Variants in UBE2E1 observed in about 807,000 individuals in gnomAD.
UBE2E1 encodes ubiquitin conjugating enzyme E2 E1.
UBE2E1 carries 6 observed loss-of-function variants against 21.4 expected under a neutral mutation model. The ratio of observed to expected loss-of-function variants is 0.28; its 90% CI spans 0.15 to 0.55. The LOEUF is 0.55. UBE2E1 is among the 20% of genes least tolerant of loss of function. The probability of loss-of-function intolerance (pLI) is 0.93; values close to 1 mark genes in which losing one functional copy is unlikely to be tolerated. For missense variants in UBE2E1, 142 were observed against 236.5 expected, an observed-to-expected ratio of 0.60 and a Z score of 2.62; for synonymous variants, 87 against 82.7, an observed-to-expected ratio of 1.05 and a Z score of -0.28.
In UBE2E1 at chr3:23,870,823, G is replaced by A. The variant is rs1244609202; in HGVS notation, c.204-16744G>A. On this transcript the variant is annotated intron_variant, in intron 3 of 5. Transcript: ENST00000306627. This position sits in a 1 kb window ranked among gnomAD's most constrained non-coding sequence, Gnocchi z 4.2. ...GGTTTTCCTAGGCAGAGGACCCTGCGGCCTTCCGCAGTGTTTGTGTCCCTG... is the reference window on the plus strand; with the variant it reads ...GGTTTTCCTAGGCAGAGGACCCTGCAGCCTTCCGCAGTGTTTGTGTCCCTG... Among the ~76,000 whole-genome samples, 3 of 60,454 alleles carry A rather than the reference G, an allele frequency of 5.0e-5. No individual in the cohort carries two copies. The Admixed American group carries it at 5.2e-4, about 11-fold the overall frequency. 39.7% of individuals were successfully genotyped at this position (60,454 alleles called of 152,430 possible). A position where few individuals can be genotyped will look rare whatever the true frequency, so the allele number is the denominator to read the frequency against.
chr3:23,883,846 G>C (rs577046563), intron 3 of UBE2E1, among the ~76,000 whole-genome samples: 1 of 151,692 alleles, frequency 6.6e-6, no homozygotes, highest in South Asian at 2.1e-4. Context: ...AACCCACGAG[G>C]GGGAGGTTGC....
At position 23,888,046 on chromosome 3, in the gene UBE2E1, C is replaced by T. The variant is rs139659068; in HGVS notation, c.336+347C>T. Among the ~76,000 whole-genome samples the T allele has an allele frequency of 3.7e-4, 56 of 152,238 alleles. 1 individual carries two copies. In the East Asian group the frequency reaches 0.01, roughly 27 times the overall value. ...GTCAAGCCAGGTGCAGTGGTGTGCA[C>T]CTGTAGTCCAGCTACTTGGGAGGAT... On this transcript the variant is annotated intron_variant, in intron 4 of 5. Transcript: ENST00000306627.
Position 23,806,535 on chromosome 3 carries a change from A to G in UBE2E1, c.-34+447A>G, listed in dbSNP as rs1026884265. Among the ~76,000 whole-genome samples, 2 of 150,380 alleles carry G rather than the reference A, an allele frequency of 1.3e-5. No homozygotes were observed. The highest frequency in any genetic ancestry group is 2.5e-5 in the African/African-American group (1 of 40,760). On this transcript the variant is annotated intron_variant, in intron 1 of 5. Transcript: ENST00000306627. The surrounding 1 kb of genome is among the most constrained non-coding windows in gnomAD (Gnocchi z 6.5). Reference sequence around the variant, plus strand: ...CCCCCCATTCCCCGCCGCAGCCCCTATCCCCCTACAGGAGTGGCGATCGGG... The same window carrying G: ...CCCCCCATTCCCCGCCGCAGCCCCTGTCCCCCTACAGGAGTGGCGATCGGG...
intron 2 of UBE2E1, chr3:23,807,821 T>G (rs1227557188): frequency 6.4e-6 from 1 of 156,872 alleles, no homozygotes; most frequent in Admixed American, 6.5e-5. Context: ...CATTTTACCT[T>G]CTCCTCACCT....
intron 5 of UBE2E1, chr3:23,889,568 T>C (rs1231783000): frequency 2.9e-6 from 4 of 1,370,572 alleles, no homozygotes; most frequent in Non-Finnish European, 2.8e-6. Context: ...AGAGTTCTTA[T>C]AAAACAAATC....
In UBE2E1 at chr3:23,816,923, G is replaced by A. The variant is rs1414301384; in HGVS notation, c.203+5413G>A. ...GAAAGTTTTGGAAATAATGGTGATG[G>A]TTGCGCAATATTGTGAATGTAATTA... On this transcript the variant is annotated intron_variant, in intron 3 of 5. Coordinates refer to ENST00000306627, the MANE Select transcript of UBE2E1 (RefSeq NM_003341.5). The surrounding 1 kb of genome is among the most constrained non-coding windows in gnomAD (Gnocchi z 4.8). 1.3e-5 allele frequency among the ~76,000 whole-genome samples: 2 copies of A among 152,084 alleles called. No homozygotes were observed. The highest frequency in any genetic ancestry group is 4.8e-5 in the African/African-American group (2 of 41,406).
Position 23,810,998 on chromosome 3 carries a change from C to A in UBE2E1, c.153-462C>A, listed in dbSNP as rs1470864724. The A allele has an allele frequency of 6.0e-6, 1 of 166,972 alleles. No homozygotes were observed. Among genetic ancestry groups the A allele is most frequent in the African/African-American group, 2.4e-5 (1 of 41,820 alleles). 10.3% of individuals were successfully genotyped at this position (166,972 alleles called of 1,614,324 possible). A position where few individuals can be genotyped will look rare whatever the true frequency, so the allele number is the denominator to read the frequency against. Reference sequence around the variant, plus strand: ...TTGAGCGAGGCCTCGGACCTTCGGCCTGTCGGGGGCGCCCTGCCGGGGTGG... The same window carrying A: ...TTGAGCGAGGCCTCGGACCTTCGGCATGTCGGGGGCGCCCTGCCGGGGTGG... On this transcript the variant is annotated intron_variant, in intron 2 of 5. Coordinates refer to ENST00000306627, the MANE Select transcript of UBE2E1 (RefSeq NM_003341.5). This position sits in a 1 kb window ranked among gnomAD's most constrained non-coding sequence, Gnocchi z 5.8.
At position 23,848,849 on chromosome 3, in the gene UBE2E1, G is replaced by C. The variant is rs910881416; in HGVS notation, c.203+37339G>C. ...GGGAGAGGTGTTGGTAAGCCAAGGG[G>C]GCCTAATAAGCAGTGAAGACCATGA... On this transcript the variant is annotated intron_variant, in intron 3 of 5. Transcript: ENST00000306627. Among the ~76,000 whole-genome samples the C allele has an allele frequency of 1.3e-4, 20 of 152,132 alleles. 1 individual carries two copies. The highest frequency in any genetic ancestry group is 1.1e-3 in the Admixed American group (17 of 15,262).
intron 3 of UBE2E1, among the ~76,000 whole-genome samples, chr3:23,827,258 G>A (rs1238069406): frequency 6.6e-6 from 1 of 152,082 alleles, no homozygotes; most frequent in Non-Finnish European, 1.5e-5. Context: ...AAAATGATAT[G>A]AATGCATGAA....
chr3:23,845,277 G>A (rs190726814), intron 3 of UBE2E1, among the ~76,000 whole-genome samples: 3 of 152,288 alleles, frequency 2.0e-5, no homozygotes, highest in African/African-American at 7.2e-5. Flanking sequence ...CAAGATCTGT[G>A]TGTCTGGCAG....
intron 3 of UBE2E1, among the ~76,000 whole-genome samples, chr3:23,814,265 G>C (rs1032357918): frequency 2.0e-5 from 3 of 152,176 alleles, no homozygotes; most frequent in African/African-American, 7.2e-5. Flanking sequence ...AAGTTACTGA[G>C]CATCAAAACT....
intron 3 of UBE2E1, among the ~76,000 whole-genome samples, chr3:23,825,955 A>T (rs571562450): frequency 8.5e-5 from 13 of 152,216 alleles, no homozygotes; most frequent in Middle Eastern, 3.4e-3. Flanking sequence ...CTGGAGGATC[A>T]CTCAAGGCTG....
At chr3:23,826,190 C>T (rs1454525019) in intron 3 of UBE2E1, among the ~76,000 whole-genome samples, 1 of 152,134 alleles carries the variant, frequency 6.6e-6, no homozygotes, top group Non-Finnish European at 1.5e-5. Flanking sequence ...ATCTAGATAT[C>T]TGTGTATCTA....
chr3:23,871,821 C>G (rs951692762), intron 3 of UBE2E1, among the ~76,000 whole-genome samples: 1 of 150,628 alleles, frequency 6.6e-6, no homozygotes, highest in Admixed American at 6.6e-5. Context: ...GGATGGCGGC[C>G]GGGAAGAGGC....
intron 3 of UBE2E1, among the ~76,000 whole-genome samples, chr3:23,818,848 G>C (rs1300681860): frequency 6.6e-6 from 1 of 152,178 alleles, no homozygotes; most frequent in Admixed American, 6.5e-5. Flanking sequence ...TTGGAGAAAG[G>C]AGTAGGAGGA....
At chr3:23,872,798 C>T (rs891830062) in intron 3 of UBE2E1, among the ~76,000 whole-genome samples, 1 of 152,192 alleles carries the variant, frequency 6.6e-6, no homozygotes, top group African/African-American at 2.4e-5. Context: ...GCAGGTGGAT[C>T]ATGAGGTCAG....
At chr3:23,827,700 A>G (rs902946565) in intron 3 of UBE2E1, among the ~76,000 whole-genome samples, 2 of 152,196 alleles carry the variant, frequency 1.3e-5, no homozygotes, top group African/African-American at 2.4e-5. Context: ...CTGTATTTAA[A>G]TTTAAAAAGA....
chr3:23,852,134 A>G (rs574001716), intron 3 of UBE2E1, among the ~76,000 whole-genome samples: 2 of 152,312 alleles, frequency 1.3e-5, no homozygotes, highest in South Asian at 2.1e-4. Context: ...TGCTGGCACT[A>G]TGCTTCTTGT....
intron 2 of UBE2E1, 81 bp downstream of exon 2, chr3:23,807,502 A>C (rs1699303718): frequency 6.5e-7 from 1 of 1,545,132 alleles, no homozygotes; most frequent in Non-Finnish European, 8.7e-7. Flanking sequence ...CCCAATGAGG[A>C]TAGCTTAAAC....
Sources: gnomAD v4.1 joint callset for allele counts (sites outside exome capture counted in the v4.1 genomes callset) on GRCh38, gnomAD v4.1.1 for gene constraint, Gnocchi (gnomAD v3.1) non-coding constraint, MANE v1.5 for transcripts, NCBI Gene and HGNC (gene_info 2026-07-23, HGNC 2026-07-21) for gene names.